The following NHEJ1 variants were observed in gnomAD, a reference collection of about 807,000 sequenced individuals.
NHEJ1 encodes the protein non-homologous end joining factor 1.
Under a neutral mutation model 39.4 loss-of-function variants are expected in NHEJ1, and 22 were observed. The observed-to-expected ratio is 0.56, with a 90% confidence interval of 0.40 to 0.80. The LOEUF (loss-of-function observed/expected upper bound fraction) is 0.80. NHEJ1 is among the 30% of genes least tolerant of loss of function. NHEJ1 has a pLI of 0.00. For synonymous variants in NHEJ1, 154 were observed against 135.6 expected (o/e 1.14, Z -0.94); for missense variants, 329 against 357.1 (o/e 0.92, Z 0.63).
chr2:219,130,788 G>A (rs555499288), intron 5 of NHEJ1, among the ~76,000 whole-genome samples: 8 of 152,274 alleles, frequency 5.3e-5, no homozygotes, highest in Admixed American at 3.9e-4. Context: ...TCTGTGATGT[G>A]CTTTTAAATC....
At chr2:219,107,770 C>T (rs1208478391) in intron 5 of NHEJ1, among the ~76,000 whole-genome samples, 3 of 152,142 alleles carry the variant, frequency 2.0e-5, no homozygotes, top group African/African-American at 7.2e-5. Context: ...TTCTCACTCC[C>T]AGAGTCCATA....
In NHEJ1 at chr2:219,111,771, CTG is replaced by C. The variant is rs1040838061; in HGVS notation, c.589-33567_589-33566del. On this transcript the variant is annotated intron_variant, in intron 5 of 7. Coordinates refer to ENST00000356853, the MANE Select transcript of NHEJ1 (RefSeq NM_024782.3). The surrounding 1 kb of genome is among the most constrained non-coding windows in gnomAD (Gnocchi z 4.1). ...CTGCTTGTTAAGTTAAAATTAAACT[CTG>C]TACAAATATTGACCTTTGGAGGGGA... Among the ~76,000 whole-genome samples the C allele has an allele frequency of 3.3e-5, 5 of 152,108 alleles. No individual in the cohort carries two copies. The highest frequency in any genetic ancestry group is 1.2e-4 in the African/African-American group (5 of 41,418).
At chr2:219,125,988 A>T (rs543636890) in intron 5 of NHEJ1, among the ~76,000 whole-genome samples, 5 of 152,296 alleles carry the variant, frequency 3.3e-5, no homozygotes, top group African/African-American at 1.2e-4. Flanking sequence ...GGCAGCTGAA[A>T]ATGTCACTGT....
chr2:219,111,652 C>T lies in NHEJ1; in HGVS notation c.589-33446G>A, dbSNP rs961541611. On this transcript the variant is annotated intron_variant, in intron 5 of 7. Transcript: ENST00000356853. This position sits in a 1 kb window ranked among gnomAD's most constrained non-coding sequence, Gnocchi z 4.1. Reference sequence around the variant, plus strand: ...AGACACACACACACACACACACACACACACACACACAGAGAGATACATACA... The same window carrying T: ...AGACACACACACACACACACACACATACACACACACAGAGAGATACATACA... 1.3e-5 allele frequency among the ~76,000 whole-genome samples: 2 copies of T among 151,498 alleles called. No individual in the cohort carries two copies. The highest frequency in any genetic ancestry group is 4.9e-5 in the African/African-American group (2 of 41,124).
rs368706049 is a variant in NHEJ1 at position 219,111,628 on chromosome 2, G to GACACACACACAC, written c.589-33434_589-33423dup. Among the ~76,000 whole-genome samples, 6,533 of 138,162 alleles carry GACACACACACAC rather than the reference G, an allele frequency of 0.047. 193 individuals carry two copies. Among genetic ancestry groups the GACACACACACAC allele is most frequent in the African/African-American group, 0.08 (2,891 of 36,004 alleles). The allele number at this position is 138,162 out of a possible 152,430, so 90.6% of individuals were successfully genotyped here. A position where few individuals can be genotyped will look rare whatever the true frequency, so the allele number is the denominator to read the frequency against. ...GAATTAAGTCTACAGTGTGAATACA[G>GACACACACACAC]ACACACACACACACACACACACACA... On this transcript the variant is annotated intron_variant, in intron 5 of 7. Coordinates refer to ENST00000356853, the MANE Select transcript of NHEJ1 (RefSeq NM_024782.3). The surrounding 1 kb of genome is among the most constrained non-coding windows in gnomAD (Gnocchi z 4.1).
chr2:219,120,639 G>A (rs933352268), intron 5 of NHEJ1, among the ~76,000 whole-genome samples: 4 of 152,100 alleles, frequency 2.6e-5, no homozygotes, highest in Admixed American at 6.5e-5. Context: ...AAGAAGAGGC[G>A]ATATTTATTC....
intron 5 of NHEJ1, among the ~76,000 whole-genome samples, chr2:219,127,446 A>G (rs1353260708): frequency 2.6e-5 from 4 of 152,112 alleles, no homozygotes; most frequent in African/African-American, 9.7e-5. Flanking sequence ...TTGACCTGGG[A>G]TATTAGCCTC....
chr2:219,151,071 T>C (rs972085433), intron 3 of NHEJ1, among the ~76,000 whole-genome samples: 1 of 137,466 alleles, frequency 7.3e-6, no homozygotes, highest in Non-Finnish European at 1.5e-5. Context: ...GACGTTGCAG[T>C]GGGCTGAGAT....
chr2:219,085,521 T>C (rs1401780890), intron 5 of NHEJ1, among the ~76,000 whole-genome samples: 1 of 152,198 alleles, frequency 6.6e-6, no homozygotes, highest in East Asian at 1.9e-4. Context: ...TTTAGCTTTG[T>C]TTGGGTCTGT....
At chr2:219,113,665 T>A (rs1200142439) in intron 5 of NHEJ1, among the ~76,000 whole-genome samples, 1 of 152,066 alleles carries the variant, frequency 6.6e-6, no homozygotes, top group African/African-American at 2.4e-5. Context: ...TTTCTCCCCC[T>A]CCATAAGTCT....
intron 5 of NHEJ1, among the ~76,000 whole-genome samples, chr2:219,138,953 A>C (rs549574112): frequency 6.6e-6 from 1 of 152,342 alleles, no homozygotes; most frequent in Admixed American, 6.5e-5. Context: ...CCTTCCACTT[A>C]AGTGTGACCC....
In NHEJ1 at chr2:219,146,734, T is replaced by C. The variant is rs760675346; in HGVS notation, c.534A>G (p.Arg178=). ...TTTCTTCAAATGGTTCTGTCTTCAA[T>C]CGATCTGTAATAAGAAGGATCAGAA... The part of the protein sequence containing the change: ...QESGATLIRD[R]LKTEPFEENS... The change falls in exon 5 of 8, where the codon CGA becomes CGG. Residue 178 remains arginine, a synonymous_variant. Coordinates refer to ENST00000356853, the MANE Select transcript of NHEJ1 (RefSeq NM_024782.3). 8.7e-6 allele frequency: 14 copies of C among 1,608,670 alleles called. No homozygotes were observed. The highest frequency in any genetic ancestry group is 8.5e-7 in the Non-Finnish European group (1 of 1,175,176).
chr2:219,135,603 C>T (rs771222209), intron 5 of NHEJ1, among the ~76,000 whole-genome samples: 2 of 152,036 alleles, frequency 1.3e-5, no homozygotes, highest in South Asian at 2.1e-4. Flanking sequence ...AGTGAGATTC[C>T]GTCTCAAAAG....
intron 5 of NHEJ1, among the ~76,000 whole-genome samples, chr2:219,136,509 G>A (rs188681350): frequency 1.9e-3 from 294 of 151,334 alleles, no homozygotes; most frequent in South Asian, 9.9e-3. Flanking sequence ...GGCTGGTCTC[G>A]AACTCCTGAC....
At chr2:219,122,639 T>C (rs1010746686) in intron 5 of NHEJ1, among the ~76,000 whole-genome samples, 7 of 152,138 alleles carry the variant, frequency 4.6e-5, no homozygotes, top group African/African-American at 1.7e-4. Context: ...GCCCAGACAT[T>C]TACTCTTAAG....
intron 5 of NHEJ1, among the ~76,000 whole-genome samples, chr2:219,110,559 T>A (rs938068639): frequency 1.4e-5 from 2 of 146,216 alleles, no homozygotes; most frequent in African/African-American, 5.1e-5. Flanking sequence ...TATATTGGGT[T>A]ATGGTAAGTG....
At chr2:219,114,155 C>A (rs1389773390) in intron 5 of NHEJ1, among the ~76,000 whole-genome samples, 1 of 152,184 alleles carries the variant, frequency 6.6e-6, no homozygotes, top group Non-Finnish European at 1.5e-5. Flanking sequence ...TGTCATCCAG[C>A]AATTAGAAGT....
intron 5 of NHEJ1, among the ~76,000 whole-genome samples, chr2:219,131,545 T>C (rs1263808269): frequency 1.3e-5 from 2 of 152,222 alleles, no homozygotes; most frequent in African/African-American, 2.4e-5. Context: ...TTTACATACA[T>C]TGTGCAAGCT....
intron 5 of NHEJ1, among the ~76,000 whole-genome samples, chr2:219,103,670 T>G (rs1949287731): frequency 6.6e-6 from 1 of 152,262 alleles, no homozygotes; most frequent in Non-Finnish European, 1.5e-5. Flanking sequence ...ATGCTTCTAA[T>G]GTGCCAGACA....
Sources: gnomAD v4.1 joint callset for allele counts (sites outside exome capture counted in the v4.1 genomes callset) on GRCh38, gnomAD v4.1.1 for gene constraint, Gnocchi (gnomAD v3.1) non-coding constraint, MANE v1.5 for transcripts, NCBI Gene and HGNC (gene_info 2026-07-23, HGNC 2026-07-21) for gene names.